GSR: variants seen among roughly 807,000 people sequenced by gnomAD.
GSR encodes glutathione-disulfide reductase.
Under a neutral mutation model 56.5 loss-of-function variants are expected in GSR, and 48 were observed. The observed-to-expected ratio is 0.85, with a 90% confidence interval of 0.67 to 1.08. The LOEUF (loss-of-function observed/expected upper bound fraction) is 1.08. Among genes scored for constraint, GSR ranks in the 50% least tolerant of loss-of-function variants. The probability of loss-of-function intolerance (pLI) is 0.00; values close to 1 mark genes in which losing one functional copy is unlikely to be tolerated. For synonymous variants in GSR, 264 were observed against 270.8 expected, an observed-to-expected ratio of 0.97 and a Z score of 0.25; for missense variants, 694 against 703.3, an observed-to-expected ratio of 0.99 and a Z score of 0.15.
At chr8:30,723,804 A>G (rs1804633604) in intron 1 of GSR, among the ~76,000 whole-genome samples, 1 of 151,670 alleles carries the variant, frequency 6.6e-6, no homozygotes, top group Non-Finnish European at 1.5e-5. Context: ...ACACACACAC[A>G]CACACACACA....
intron 3 of GSR, 91 bp from the exon 4 acceptor site, chr8:30,708,232 G>A (rs1249880572): frequency 3.3e-6 from 3 of 913,522 alleles, no homozygotes; most frequent in Non-Finnish European, 5.5e-6. Context: ...CCCGAGCAGA[G>A]AATCACTGAC....
intron 8 of GSR, 119 bp downstream of exon 8, chr8:30,692,850 G>A: frequency 1.3e-6 from 1 of 749,322 alleles, no homozygotes; most frequent in Middle Eastern, 3.6e-4. Flanking sequence ...TACCCTAGAG[G>A]TGGAATATAT....
chr8:30,686,324 C>T (rs978731006), intron 9 of GSR, among the ~76,000 whole-genome samples: 1 of 151,912 alleles, frequency 6.6e-6, no homozygotes, highest in Non-Finnish European at 1.5e-5. Flanking sequence ...ACTCAATTTG[C>T]ATTATATAAA....
chr8:30,713,066 T>C (rs529720150), intron 1 of GSR, among the ~76,000 whole-genome samples: 40 of 151,956 alleles, frequency 2.6e-4, no homozygotes, highest in Non-Finnish European at 5.4e-4. Flanking sequence ...AGACGGAGTC[T>C]CGCTTTGTTG....
At chr8:30,681,855 G>C in intron 11 of GSR, 75 bp downstream of exon 11, 1 of 1,382,924 alleles carries the variant, frequency 7.2e-7, no homozygotes, top group Non-Finnish European at 1.0e-6. Flanking sequence ...TCAGCTGACA[G>C]AGACCTAATT....
chr8:30,697,311 G>A (rs1455457261), intron 6 of GSR, among the ~76,000 whole-genome samples: 4 of 152,096 alleles, frequency 2.6e-5, no homozygotes, highest in African/African-American at 9.7e-5. Flanking sequence ...CTACTCGGGA[G>A]GCTGAGGCAG....
intron 6 of GSR, among the ~76,000 whole-genome samples, chr8:30,696,967 G>A (rs979409763): frequency 2.4e-4 from 37 of 152,004 alleles, no homozygotes; most frequent in African/African-American, 7.7e-4. Context: ...CCAAAGTGCC[G>A]GCATTACAGG....
At chr8:30,693,856 A>G (rs999490884) in intron 7 of GSR, among the ~76,000 whole-genome samples, 1 of 152,116 alleles carries the variant, frequency 6.6e-6, no homozygotes, top group African/African-American at 2.4e-5. Context: ...TGGAGTTAAC[A>G]CTGGGAAAAA....
intron 5 of GSR, among the ~76,000 whole-genome samples, chr8:30,700,452 G>C (rs1353464265): frequency 1.3e-5 from 2 of 152,052 alleles, no homozygotes; most frequent in East Asian, 3.9e-4. Flanking sequence ...AGGAACCCTG[G>C]GGCTCAGCTC....
At chr8:30,710,002 A>T (rs1586060386) in intron 2 of GSR, 100 bp from the exon 3 acceptor site, 1 of 717,560 alleles carries the variant, frequency 1.4e-6, no homozygotes, top group African/African-American at 1.8e-5. Flanking sequence ...ACAGCAGATA[A>T]AAATACTGCC....
chr8:30,723,530 C>T (rs1194027887), intron 1 of GSR, among the ~76,000 whole-genome samples: 1 of 151,914 alleles, frequency 6.6e-6, no homozygotes, highest in South Asian at 2.1e-4. Flanking sequence ...GTGGCTCATA[C>T]TTGTAATCCC....
chr8:30,692,829 A>C (rs1803433370), intron 8 of GSR, 140 bp downstream of exon 8: 3 of 700,526 alleles, frequency 4.3e-6, no homozygotes, highest in Admixed American at 2.0e-5. Flanking sequence ...GAGGAAGGAA[A>C]TAATAGGGAG....
At chr8:30,697,408 TG>T (rs1803581592) in intron 6 of GSR, among the ~76,000 whole-genome samples, 1 of 121,676 alleles carries the variant, frequency 8.2e-6, no homozygotes, top group Admixed American at 8.9e-5. Flanking sequence ...AGCGAGACTC[TG>T]TCTCAAAAAA....
Position 30,727,585 on chromosome 8 carries a change from G to T in GSR, c.251C>A (p.Ala84Asp). ...SGGLASARRA[A>D]ELGARAAVVE... Reference sequence around the variant, plus strand: ...CACGGCGGCCCTGGCACCCAGCTCGGCCGCCCTGCGCGCGCTGGCCAGCCC... The same window carrying T: ...CACGGCGGCCCTGGCACCCAGCTCGTCCGCCCTGCGCGCGCTGGCCAGCCC... The change falls in exon 1 of 13, where the codon GCC becomes GAC. Residue 84 changes from alanine (A) to aspartate (D), a missense_variant. Ala to Asp is a moderately radical substitution (Grantham distance 126, BLOSUM62 -2). Transcript: ENST00000221130. The T allele has an allele frequency of 6.5e-7, 1 of 1,530,558 alleles. No individual in the cohort carries two copies. 94.8% of individuals were successfully genotyped at this position (1,530,558 alleles called of 1,614,324 possible).
Position 30,679,140 on chromosome 8 carries a change from ACT to A in GSR, c.*378_*379del. 1 of 200,176 alleles carries A rather than the reference ACT, an allele frequency of 5.0e-6. No homozygotes were observed. The highest frequency in any genetic ancestry group is 6.5e-5 in the South Asian group (1 of 15,438). 12.4% of individuals were successfully genotyped at this position (200,176 alleles called of 1,614,324 possible). A position where few individuals can be genotyped will look rare whatever the true frequency, so the allele number is the denominator to read the frequency against. ...CTCCAGCCTGGGCAATGAGAGCAAA[ACT>A]CTGTCTCAAAAAAAAAAAAAAAAAA... is the stretch of plus-strand genomic sequence containing the variant. On this transcript the variant is annotated 3_prime_UTR_variant, in exon 13 of 13. Transcript: ENST00000221130.
At position 30,687,206 on chromosome 8, in the gene GSR, T is replaced by C. The variant is rs117706888; in HGVS notation, c.1041+1955A>G. Among the ~76,000 whole-genome samples the C allele has an allele frequency of 5.4e-3, 825 of 152,238 alleles. 8 individuals are homozygous for C. The highest frequency in any genetic ancestry group is 8.6e-3 in the Non-Finnish European group (585 of 68,000). On this transcript the variant is annotated intron_variant, in intron 9 of 12. Transcript: ENST00000221130. ...TGTCATTGAATAAGATTACAAACAA[T>C]CAAAACATCTCCCTGAATATTTTAT...
chr8:30,713,344 T>C (rs1804217743), intron 1 of GSR, among the ~76,000 whole-genome samples: 1 of 147,980 alleles, frequency 6.8e-6, no homozygotes, highest in African/African-American at 2.5e-5. Context: ...GCCAGAAAAC[T>C]ACATTATTTT....
rs1563540661 is a variant in GSR, at chr8:30,710,124, TG to T, written c.334-223del. ...TGAGGTCAAGAGTTCGGGACCAGCC[TG>T]GCCAACATGGCAAAACCCCATCTCT... On this transcript the variant is annotated intron_variant, in intron 2 of 12. Coordinates refer to ENST00000221130, the MANE Select transcript of GSR (RefSeq NM_000637.5). Among the ~76,000 whole-genome samples, 6 of 152,014 alleles carry T rather than the reference TG, an allele frequency of 3.9e-5. No individual in the cohort carries two copies. In the South Asian group the frequency reaches 1.0e-3, roughly 26 times the overall value.
At position 30,725,881 on chromosome 8, in the gene GSR, CAAAAAAAAAAA is replaced by C. The variant is rs59192685; in HGVS notation, c.306+1638_306+1648del. On this transcript the variant is annotated intron_variant, in intron 1 of 12. Transcript: ENST00000221130. ...TGGGTGACAGAGTGAGACTCCCTCT[CAAAAAAAAAAA>C]AAAAAAAAGAATTCATAACAGGAAG... Among the ~76,000 whole-genome samples the C allele has an allele frequency of 1.2e-4, 7 of 60,082 alleles. No homozygotes were observed. The South Asian group carries it at 3.3e-3, about 28-fold the overall frequency. The allele number at this position is 60,082 out of a possible 152,430, so 39.4% of individuals were successfully genotyped here. A position where few individuals can be genotyped will look rare whatever the true frequency, so the allele number is the denominator to read the frequency against.
Sources: gnomAD v4.1 joint callset for allele counts (sites outside exome capture counted in the v4.1 genomes callset) on GRCh38, gnomAD v4.1.1 for gene constraint, MANE v1.5 for transcripts, NCBI Gene and HGNC (gene_info 2026-07-23, HGNC 2026-07-21) for gene names.